The following PSIP1 variants were observed in gnomAD, a reference collection of about 807,000 sequenced individuals.
PSIP1 encodes PC4 and SFRS1-interacting protein.
Under a neutral mutation model 74.7 loss-of-function variants are expected in PSIP1, and 19 were observed. The observed-to-expected ratio is 0.25, with a 90% CI of 0.18 to 0.37. The LOEUF is 0.37. PSIP1 is among the 10% of genes least tolerant of loss of function. The pLI is 1.00. For synonymous variants in PSIP1, 222 were observed against 195.3 expected, an observed-to-expected ratio of 1.14 and a Z score of -1.14; for missense variants, 601 against 614.3, an observed-to-expected ratio of 0.98 and a Z score of 0.23.
Position 15,490,098 on chromosome 9 carries a change from A to T in PSIP1, c.176T>A (p.Phe59Tyr), listed in dbSNP as rs1428902151. The T allele has an allele frequency of 6.2e-7, 1 of 1,600,914 alleles. No individual in the cohort carries two copies. The highest frequency in any genetic ancestry group is 1.3e-5 in the African/African-American group (1 of 74,280). ...ETAFLGPKDI[F>Y]PYSENKEKYG... Reference sequence around the variant, plus strand: ...CTTTTCCTTATTTTCTGAGTAAGGAAATATATCCTTTGGTCCTAAAAAAGC... The same window carrying T: ...CTTTTCCTTATTTTCTGAGTAAGGATATATATCCTTTGGTCCTAAAAAAGC... Residue 59 changes from phenylalanine (F) to tyrosine (Y), a missense_variant, in exon 4 of 16, where the codon TTT (phenylalanine) becomes TAT (tyrosine). Physicochemically the swap from Phe to Tyr is conservative, Grantham distance 22. Transcript: ENST00000380733.
intron 4 of PSIP1, among the ~76,000 whole-genome samples, chr9:15,487,780 G>A (rs370192822): frequency 2.0e-5 from 3 of 152,090 alleles, no homozygotes; most frequent in Non-Finnish European, 4.4e-5. Flanking sequence ...TACATGCTGG[G>A]CACACAGGAC....
chr9:15,507,041 T>C (rs2037623507), intron 2 of PSIP1, among the ~76,000 whole-genome samples: 2 of 152,308 alleles, frequency 1.3e-5, no homozygotes, highest in Non-Finnish European at 1.5e-5. Context: ...TGAACCTATT[T>C]GACAACCCTA....
chr9:15,468,872 T>C (rs369888421), intron 13 of PSIP1, 29 bp from the exon 14 acceptor site: 42 of 1,606,538 alleles, frequency 2.6e-5, no homozygotes, highest in East Asian at 8.9e-5. Flanking sequence ...TTCATCATAA[T>C]TGTTTTCCTA....
chr9:15,488,361 C>T (rs1320827436), intron 4 of PSIP1, among the ~76,000 whole-genome samples: 2 of 151,974 alleles, frequency 1.3e-5, no homozygotes, highest in African/African-American at 4.8e-5. Context: ...GAGTAAAAAG[C>T]TGCAGAATTT....
Position 15,469,258 on chromosome 9 carries a change from A to T in PSIP1, c.1104+8T>A, listed in dbSNP as rs538707745. ...GTACTGAAGTATTAAATGAAGTTAA[A>T]CACTTACAAGATTATCAATTTTGAG... On this transcript the variant is annotated splice_region_variant and intron_variant, in intron 12 of 15. Transcript: ENST00000380733. 4 of 1,516,772 alleles carry T rather than the reference A, an allele frequency of 2.6e-6. No homozygotes were observed. Among genetic ancestry groups the T allele is most frequent in the Non-Finnish European group, 3.6e-6 (4 of 1,108,622 alleles). 94.0% of individuals were successfully genotyped at this position (1,516,772 alleles called of 1,614,324 possible). A position where few individuals can be genotyped will look rare whatever the true frequency, so the allele number is the denominator to read the frequency against.
chr9:15,481,928 A>G (rs1296867665), intron 6 of PSIP1, among the ~76,000 whole-genome samples: 1 of 152,222 alleles, frequency 6.6e-6, no homozygotes, highest in African/African-American at 2.4e-5. Context: ...TATACGAAAC[A>G]TATATATTTA....
chr9:15,510,793 G>A (rs2037836437), intron 1 of PSIP1, 24 bp downstream of exon 1: 1 of 151,986 alleles, frequency 6.6e-6, no homozygotes, highest in Non-Finnish European at 1.5e-5. Flanking sequence ...GGGGGGGCGG[G>A]GCGAGTCCCC....
chr9:15,471,249 TA>T, intron 10 of PSIP1: 1 of 1,596,018 alleles, frequency 6.3e-7, no homozygotes, highest in South Asian at 1.1e-5. Flanking sequence ...TACAATACAA[TA>T]AACTTTATTT....
rs59665408 is a variant in PSIP1 at position 15,484,301 on chromosome 9, A to AT, written c.456+1704_456+1705insA. ...CAAAACCCCATGTCTATCAAAAAAA[A>AT]AAATATATATATATAGGCCAGGCCC... is the stretch of plus-strand genomic sequence containing the variant. On this transcript the variant is annotated intron_variant, in intron 6 of 15. Coordinates refer to ENST00000380733, the MANE Select transcript of PSIP1 (RefSeq NM_033222.5). Among the ~76,000 whole-genome samples the AT allele has an allele frequency of 4.3e-3, 647 of 150,212 alleles. 2 individuals carry two copies. The highest frequency in any genetic ancestry group is 0.014 in the African/African-American group (593 of 41,046).
chr9:15,464,139 A>AAGTT lies in PSIP1; in HGVS notation c.*1377_*1380dup. ...TGGCTTAACTAGAATAAATCTAAGT[A>AAGTT]AGTTAAAACTGTATAAGGACCAAAC... On this transcript the variant is annotated 3_prime_UTR_variant, in exon 16 of 16. Transcript: ENST00000380733. 5.5e-6 allele frequency: 1 copy of AAGTT among 183,458 alleles called. No homozygotes were observed. Among genetic ancestry groups the AAGTT allele is most frequent in the Non-Finnish European group, 1.2e-5 (1 of 86,048 alleles). 11.4% of individuals were successfully genotyped at this position (183,458 alleles called of 1,614,324 possible). A position where few individuals can be genotyped will look rare whatever the true frequency, so the allele number is the denominator to read the frequency against.
intron 10 of PSIP1, chr9:15,471,134 T>C (rs749397139): frequency 1.9e-6 from 3 of 1,604,428 alleles, no homozygotes; most frequent in East Asian, 2.2e-5. Context: ...CTTCATCTCT[T>C]GTTTGCTCCA....
chr9:15,468,825 TAACTTTGAATCGCC>T lies in PSIP1; in HGVS notation c.1211_1224del (p.Arg404GlnfsTer13). On this transcript the variant is annotated frameshift_variant, in exon 14 of 16. Coordinates refer to ENST00000380733, the MANE Select transcript of PSIP1 (RefSeq NM_033222.5). LOFTEE classifies it high-confidence loss of function. The stretch of plus-strand genomic sequence containing the variant: ...GTAGACTTTTCCATGATTACCTGAC[TAACTTTGAATCGCC>T]GTATCTGAGAAAACAATATACATTC... 6.2e-7 allele frequency: 1 copy of T among 1,613,624 alleles called. No individual in the cohort carries two copies.
chr9:15,472,724 C>A lies in PSIP1; in HGVS notation c.885G>T (p.Gln295His), dbSNP rs1563869176. ...TCAGCATATTCCTTCTGTGAGCAGT[C>A]TGAAAGTTCCTCCCACCTTTTCTCT... ...EKKRKGGRNF[Q>H]TAHRRNMLKG... is the part of the protein sequence containing the mutation. The change falls in exon 10 of 16, where the codon CAG becomes CAT. Residue 295 changes from glutamine to histidine, a missense_variant. Physicochemically the swap from Gln to His is conservative, Grantham distance 24. This residue lies in a region of PSIP1 where 538 missense variants were observed against 507.6 expected (regional missense o/e 1.06). Transcript: ENST00000380733. The A allele has an allele frequency of 1.9e-6, 3 of 1,604,878 alleles. No homozygotes were observed. Among genetic ancestry groups the A allele is most frequent in the Non-Finnish European group, 2.5e-6 (3 of 1,177,914 alleles).
Position 15,477,643 on chromosome 9 carries a change from G to A in PSIP1, c.629+834C>T, listed in dbSNP as rs1020328113. On this transcript the variant is annotated intron_variant, in intron 8 of 15. Transcript: ENST00000380733. ...TCTAAATATACTCTCTATTCCTTCTGGCAAAGATTCCCCAAAAAAGCCAAA... is the reference window on the plus strand; with the variant it reads ...TCTAAATATACTCTCTATTCCTTCTAGCAAAGATTCCCCAAAAAAGCCAAA... Among the ~76,000 whole-genome samples, 3 of 151,490 alleles carry A rather than the reference G, an allele frequency of 2.0e-5. No individual in the cohort carries two copies. The East Asian group carries it at 5.8e-4, about 29-fold the overall frequency.
rs183716014 is a variant in PSIP1 at position 15,492,568 on chromosome 9, G to A, written c.150-2444C>T. Among the ~76,000 whole-genome samples the A allele has an allele frequency of 2.0e-5, 3 of 152,202 alleles. No individual in the cohort carries two copies. The East Asian group carries it at 5.8e-4, about 29-fold the overall frequency. ...GCTGTCGGTGGATCTACCATTCTGG[G>A]GTCTGGAGGATGGTGGCCTTCTTCT... On this transcript the variant is annotated intron_variant, in intron 3 of 15. Transcript: ENST00000380733.
At chr9:15,485,543 A>G (rs1229283314) in intron 6 of PSIP1, among the ~76,000 whole-genome samples, 1 of 152,214 alleles carries the variant, frequency 6.6e-6, no homozygotes, top group African/African-American at 2.4e-5. Context: ...TTTCATATTA[A>G]TTAAAAGCCT....
At chr9:15,490,578 G>C (rs2036782413) in intron 3 of PSIP1, among the ~76,000 whole-genome samples, 1 of 150,518 alleles carries the variant, frequency 6.6e-6, no homozygotes, top group Non-Finnish European at 1.5e-5. Flanking sequence ...AGCTACTTGA[G>C]AGGATGAGGC....
chr9:15,471,650 A>AT, intron 10 of PSIP1: 1 of 954,584 alleles, frequency 1.0e-6, no homozygotes, highest in Non-Finnish European at 1.2e-6. Context: ...TAGATAAGTT[A>AT]TTTAAATTAC....
chr9:15,479,351 T>TC (rs1246169087), intron 7 of PSIP1, among the ~76,000 whole-genome samples: 4 of 152,114 alleles, frequency 2.6e-5, no homozygotes, highest in African/African-American at 9.7e-5. Context: ...AATTTTAACC[T>TC]CCCCACAGCC....
Sources: allele counts gnomAD v4.1 joint callset (sites outside exome capture counted in the v4.1 genomes callset), GRCh38; gene constraint gnomAD v4.1.1; regional missense constraint gnomAD v4.1.1; transcripts MANE v1.5; gene names NCBI Gene and HGNC (gene_info 2026-07-23, HGNC 2026-07-21).